CEP112: variants seen among roughly 807,000 people sequenced by gnomAD.
The protein encoded by CEP112 is centrosomal protein 112, also known as centrosomal protein of 112 kDa.
Under a neutral mutation model 153.0 loss-of-function variants are expected in CEP112, and 127 were observed. The observed-to-expected ratio is 0.83, with a 90% CI of 0.72 to 0.96. The LOEUF is 0.96. Ranked by LOEUF, CEP112 falls within the 40% of genes least tolerant of loss-of-function variation. CEP112 has a pLI of 0.00. For synonymous variants in CEP112, 358 were observed against 374.4 expected, an observed-to-expected ratio of 0.96 and a Z score of 0.51; for missense variants, 1,089 against 1,101.2, an observed-to-expected ratio of 0.99 and a Z score of 0.16.
At chr17:65,716,187 C>T (rs370197840) in intron 23 of CEP112, among the ~76,000 whole-genome samples, 11 of 151,850 alleles carry the variant, frequency 7.2e-5, no homozygotes, top group East Asian at 1.9e-4. Flanking sequence ...GACAGAGCCT[C>T]GCTCTGTCGC....
intron 21 of CEP112, among the ~76,000 whole-genome samples, chr17:65,771,493 G>A (rs183198662): frequency 6.6e-5 from 10 of 152,200 alleles, no homozygotes; most frequent in Admixed American, 2.0e-4. Flanking sequence ...CAAGTAGACC[G>A]TATTAGTGAG....
At chr17:65,640,154 A>ATATATATTT (rs1300751452) in intron 25 of CEP112, among the ~76,000 whole-genome samples, 6 of 78,340 alleles carry the variant, frequency 7.7e-5, no homozygotes, top group African/African-American at 4.2e-4. Flanking sequence ...ATATATATAT[A>ATATATATTT]TTTTTTTTTT....
At chr17:65,751,996 AT>A (rs1598469563) in intron 21 of CEP112, among the ~76,000 whole-genome samples, 2 of 139,978 alleles carry the variant, frequency 1.4e-5, no homozygotes, top group South Asian at 2.3e-4. Flanking sequence ...CTATCTATCT[AT>A]CTATCTACTG....
intron 21 of CEP112, among the ~76,000 whole-genome samples, chr17:65,825,653 C>T (rs749762498): frequency 8.6e-5 from 13 of 151,896 alleles, no homozygotes; most frequent in Non-Finnish European, 1.8e-4. Flanking sequence ...TACTTAACAC[C>T]ACTGAACTGT....
At chr17:66,116,185 T>C (rs2069282781) in intron 6 of CEP112, among the ~76,000 whole-genome samples, 2 of 152,240 alleles carry the variant, frequency 1.3e-5, no homozygotes, top group Non-Finnish European at 2.9e-5. Context: ...CTGATGCATT[T>C]TATATACCAG....
chr17:66,063,785 C>T (rs1420461821), intron 10 of CEP112, among the ~76,000 whole-genome samples: 1 of 152,154 alleles, frequency 6.6e-6, no homozygotes, highest in African/African-American at 2.4e-5. Context: ...ACAAGAGTTC[C>T]TCATGGTTCT....
intron 16 of CEP112, among the ~76,000 whole-genome samples, chr17:66,015,623 T>G (rs1029097234): frequency 1.3e-5 from 2 of 152,212 alleles, no homozygotes; most frequent in African/African-American, 4.8e-5. Flanking sequence ...TTTATGACAT[T>G]TAGGTTTGCA....
chr17:66,073,496 A>G (rs2067374636), intron 8 of CEP112, among the ~76,000 whole-genome samples: 1 of 152,206 alleles, frequency 6.6e-6, no homozygotes, highest in African/African-American at 2.4e-5. Context: ...ATAACAAAAC[A>G]TTACTGCTAC....
chr17:65,976,314 G>A (rs2063031890), intron 17 of CEP112, among the ~76,000 whole-genome samples: 1 of 152,210 alleles, frequency 6.6e-6, no homozygotes, highest in Non-Finnish European at 1.5e-5. Flanking sequence ...TCCTGAATGT[G>A]TTCTAAATTT....
At chr17:65,740,343 G>T (rs2051059591) in intron 23 of CEP112, among the ~76,000 whole-genome samples, 1 of 152,146 alleles carries the variant, frequency 6.6e-6, no homozygotes, top group African/African-American at 2.4e-5. Context: ...GCATCTTTTT[G>T]ATTAGCTAAA....
At chr17:66,027,431 T>C in intron 16 of CEP112, 70 bp downstream of exon 16, 1 of 1,247,512 alleles carries the variant, frequency 8.0e-7, no homozygotes, top group East Asian at 3.8e-5. Context: ...TATGGTTTCA[T>C]AAAAATCAGT....
intron 21 of CEP112, among the ~76,000 whole-genome samples, chr17:65,834,061 C>T (rs1006260093): frequency 9.2e-5 from 14 of 152,012 alleles, no homozygotes; most frequent in Non-Finnish European, 1.9e-4. Flanking sequence ...TTTATAACCA[C>T]CTGATCTTTG....
intron 18 of CEP112, among the ~76,000 whole-genome samples, chr17:65,951,745 C>CTCCG (rs1329028549): frequency 1.1e-5 from 1 of 95,058 alleles, no homozygotes; most frequent in Non-Finnish European, 2.2e-5. Flanking sequence ...CTTCCCCCGC[C>CTCCG]CCCCCCTTTC....
At chr17:65,860,261 G>GA (rs886987460) in intron 20 of CEP112, among the ~76,000 whole-genome samples, 2 of 151,886 alleles carry the variant, frequency 1.3e-5, no homozygotes, top group African/African-American at 4.8e-5. Context: ...AAACCCTAAG[G>GA]AAAAAAATAT....
chr17:65,753,579 A>G (rs2052024890), intron 21 of CEP112, among the ~76,000 whole-genome samples: 1 of 152,132 alleles, frequency 6.6e-6, no homozygotes, highest in Non-Finnish European at 1.5e-5. Flanking sequence ...CTCCAGCTCT[A>G]TTATGATTAA....
At chr17:65,731,702 G>C (rs2050517098) in intron 23 of CEP112, among the ~76,000 whole-genome samples, 1 of 152,194 alleles carries the variant, frequency 6.6e-6, no homozygotes. Flanking sequence ...TATCAACTAA[G>C]TTGATATAAT....
At chr17:66,063,832 T>C (rs2067015546) in intron 10 of CEP112, among the ~76,000 whole-genome samples, 1 of 152,142 alleles carries the variant, frequency 6.6e-6, no homozygotes, top group Admixed American at 6.5e-5. Flanking sequence ...TTTAAACCAC[T>C]ATTATAAACA....
chr17:65,965,286 C>T (rs8076186), intron 17 of CEP112, among the ~76,000 whole-genome samples: 73,222 of 151,870 alleles, frequency 0.48, 18,634 homozygotes, highest in East Asian at 0.89. Context: ...ACATTGTTTT[C>T]AATTGATCAT....
At chr17:66,004,328 A>C (rs754103592) in intron 17 of CEP112, among the ~76,000 whole-genome samples, 1 of 152,054 alleles carries the variant, frequency 6.6e-6, no homozygotes, top group Non-Finnish European at 1.5e-5. Context: ...AAAAAAAATA[A>C]ATAAATCCAA....
Sources: gnomAD v4.1 joint callset for allele counts (sites outside exome capture counted in the v4.1 genomes callset) on GRCh38, gnomAD v4.1.1 for gene constraint, MANE v1.5 for transcripts, NCBI Gene and HGNC (gene_info 2026-07-23, HGNC 2026-07-21) for gene names.